The following NT5C1B variants were observed in gnomAD, a reference collection of about 807,000 sequenced individuals.
NT5C1B encodes the protein cytosolic 5'-nucleotidase 1B.
Under a neutral mutation model 57.8 loss-of-function variants are expected in NT5C1B, and 44 were observed. The ratio of observed to expected loss-of-function variants is 0.76; its 90% CI spans 0.60 to 0.98. The LOEUF (loss-of-function observed/expected upper bound fraction) is 0.98, where lower values mean the gene tolerates loss of function less well. Among genes scored for constraint, NT5C1B ranks in the 50% least tolerant of loss-of-function variants. The pLI, the probability that NT5C1B is intolerant of heterozygous loss-of-function variation, is 0.00. For missense variants in NT5C1B, 742 were observed against 719.5 expected (o/e 1.03, Z -0.36); for synonymous variants, 284 against 282.6 (o/e 1.00, Z -0.05).
rs765305556 is a variant in NT5C1B, at chr2:18,576,218, T to C, written c.1295A>G (p.Tyr432Cys). The change falls in exon 8 of 9, where the codon TAT becomes TGT. Residue 432 changes from tyrosine (Y) to cysteine (C), a missense_variant. Coordinates refer to ENST00000304081, the Ensembl canonical transcript of NT5C1B. ...AGGCTTACTTTCACATAATGTATCA[T>C]ACTGGAAGAATTTGTCGAGCCCATG... is the stretch of plus-strand genomic sequence containing the variant. 4.1e-5 allele frequency: 66 copies of C among 1,613,400 alleles called. No individual in the cohort carries two copies. The highest frequency in any genetic ancestry group is 1.7e-4 in the Middle Eastern group (1 of 6,026).
At chr2:18,580,202 A>T (rs1385784337) in intron 6 of NT5C1B, among the ~76,000 whole-genome samples, 1 of 152,226 alleles carries the variant, frequency 6.6e-6, no homozygotes, top group Admixed American at 6.5e-5. Flanking sequence ...AAAATAGTTC[A>T]GCTGGTGTGG....
At chr2:18,576,773 C>T in exon 7 of NT5C1B, 1 of 1,613,394 alleles carries the variant, frequency 6.2e-7, no homozygotes, top group South Asian at 1.1e-5. Context: ...AGACTAATAC[C>T]TTCTTGTATT....
chr2:18,589,483 A>C, exon 1 of NT5C1B: 3 of 1,613,906 alleles, frequency 1.9e-6, no homozygotes, highest in Non-Finnish European at 2.5e-6. Context: ...TTACCTGTTG[A>C]AATTCTTTTG....
chr2:18,588,058 C>T (rs368668918), intron 1 of NT5C1B, among the ~76,000 whole-genome samples: 1 of 152,146 alleles, frequency 6.6e-6, no homozygotes, highest in East Asian at 1.9e-4. Flanking sequence ...AGTTTGATTT[C>T]TAAATATAAG....
At position 18,564,080 on chromosome 2, in the gene NT5C1B, G is replaced by A. The variant is rs1664418370; in HGVS notation, c.1369C>T (p.Gln457Ter). 1.9e-6 allele frequency: 3 copies of A among 1,603,252 alleles called. No homozygotes were observed. Among genetic ancestry groups the A allele is most frequent in the Non-Finnish European group, 2.6e-6 (3 of 1,172,740 alleles). ...TCATTTTTGGCATAGAACTTCTTTT[G>A]CAGTCTGCCTAAATCTTCCAGAAAG... Residue 457 changes from glutamine (Q) to a stop codon, truncating the protein, a stop_gained, in exon 9 of 9, where the codon CAA (glutamine) becomes TAA (stop). Transcript: ENST00000304081. LOFTEE classifies it high-confidence loss of function.
At chr2:18,575,893 C>A (rs1308217890) in intron 8 of NT5C1B, among the ~76,000 whole-genome samples, 1 of 152,092 alleles carries the variant, frequency 6.6e-6, no homozygotes, top group Non-Finnish European at 1.5e-5. Flanking sequence ...AGCAGTATTT[C>A]CTGTTACTCC....
intron 2 of NT5C1B, chr2:18,587,149 G>T: frequency 6.2e-7 from 1 of 1,613,732 alleles, no homozygotes; most frequent in Non-Finnish European, 8.5e-7. Context: ...CTCAGCGAGT[G>T]ATTCGGATTG....
intron 6 of NT5C1B, among the ~76,000 whole-genome samples, chr2:18,578,182 T>C (rs62127383): frequency 0.33 from 49,730 of 151,986 alleles, 10,567 homozygotes; most frequent in African/African-American, 0.61. Context: ...CAGCCAAATT[T>C]TACCAGACAT....
At chr2:18,574,366 T>C (rs1210847614) in intron 8 of NT5C1B, among the ~76,000 whole-genome samples, 2 of 152,154 alleles carry the variant, frequency 1.3e-5, no homozygotes, top group African/African-American at 2.4e-5. Flanking sequence ...GGAACCCTTA[T>C]ACACTGTGGG....
At chr2:18,580,729 G>A (rs558450178) in intron 6 of NT5C1B, among the ~76,000 whole-genome samples, 31 of 152,320 alleles carry the variant, frequency 2.0e-4, no homozygotes, top group African/African-American at 7.2e-4. Context: ...TAAACAAAAT[G>A]TAGTGCATAT....
intron 2 of NT5C1B, 74 bp downstream of exon 2, chr2:18,587,429 C>G (rs1558391824): frequency 4.4e-6 from 7 of 1,585,870 alleles, no homozygotes; most frequent in Non-Finnish European, 6.0e-6. Flanking sequence ...TCCCAGAACT[C>G]CCTGCCCCCT....
At chr2:18,587,469 A>C in intron 2 of NT5C1B, 34 bp downstream of exon 2, 1 of 1,600,866 alleles carries the variant, frequency 6.2e-7, no homozygotes, top group Non-Finnish European at 8.5e-7. Flanking sequence ...TCTGCTCCTT[A>C]ATTTCCTCAC....
intron 1 of NT5C1B, among the ~76,000 whole-genome samples, chr2:18,589,067 G>A (rs949495856): frequency 7.9e-5 from 12 of 152,114 alleles, no homozygotes; most frequent in African/African-American, 2.9e-4. Flanking sequence ...ATACTTTTAT[G>A]GAGCAATGAG....
Position 18,584,169 on chromosome 2 carries a change from C to A in NT5C1B, c.810G>T (p.Glu270Asp). 6.2e-7 allele frequency: 1 copy of A among 1,614,178 alleles called. No individual in the cohort carries two copies. Among genetic ancestry groups the A allele is most frequent in the Non-Finnish European group, 8.5e-7 (1 of 1,180,052 alleles). ...GATACTCCATGTACTTTTCCAGACC[C>A]TCTTGCTCGTAGATTTTCCTGCCGT... The change falls in exon 5 of 9, where the codon GAG becomes GAT. Residue 270 changes from glutamate to aspartate, a missense_variant. Coordinates refer to ENST00000304081, the Ensembl canonical transcript of NT5C1B. This position sits in a 1 kb window ranked among gnomAD's most constrained non-coding sequence, Gnocchi z 5.8.
intron 1 of NT5C1B, among the ~76,000 whole-genome samples, chr2:18,588,113 C>T (rs1666889640): frequency 6.6e-6 from 1 of 152,046 alleles, no homozygotes; most frequent in African/African-American, 2.4e-5. Flanking sequence ...GTCTTCTGTT[C>T]CTATCATTTA....
chr2:18,577,533 C>T (rs371541021), intron 6 of NT5C1B, among the ~76,000 whole-genome samples: 1 of 149,384 alleles, frequency 6.7e-6, no homozygotes, highest in Non-Finnish European at 1.5e-5. Context: ...GAAATTAAGG[C>T]AGAAATCAAG....
chr2:18,568,010 A>G (rs1424377953), intron 8 of NT5C1B, among the ~76,000 whole-genome samples: 1 of 152,014 alleles, frequency 6.6e-6, no homozygotes, highest in Non-Finnish European at 1.5e-5. Flanking sequence ...AGACAGGTCA[A>G]TAGAAATTGC....
chr2:18,588,161 C>T (rs971289829), intron 1 of NT5C1B, among the ~76,000 whole-genome samples: 6 of 152,028 alleles, frequency 3.9e-5, no homozygotes, highest in African/African-American at 1.4e-4. Flanking sequence ...GATTTCTTAC[C>T]AACAAATTAA....
rs771818239 is a variant in NT5C1B at position 18,584,864 on chromosome 2, G to A, written c.373C>T (p.Leu125=). ...GGCCGCGAGTCCAGCGACCGGGGCA[G>A]CTGGGGCGACGCGGGTGGCTGGAGC... is the stretch of plus-strand genomic sequence containing the variant. Residue 125 remains leucine (L), a synonymous_variant, in exon 4 of 9, where the codon CTG becomes TTG. Coordinates refer to ENST00000304081, the Ensembl canonical transcript of NT5C1B. This position sits in a 1 kb window ranked among gnomAD's most constrained non-coding sequence, Gnocchi z 5.8. 7.5e-6 allele frequency: 12 copies of A among 1,602,340 alleles called. No homozygotes were observed. The highest frequency in any genetic ancestry group is 1.0e-5 in the Non-Finnish European group (12 of 1,176,148).
Sources: gnomAD v4.1 joint callset for allele counts (sites outside exome capture counted in the v4.1 genomes callset) on GRCh38, gnomAD v4.1.1 for gene constraint, Gnocchi (gnomAD v3.1) non-coding constraint, MANE v1.5 for transcripts, NCBI Gene and HGNC (gene_info 2026-07-23, HGNC 2026-07-21) for gene names.